Variants in VEPH1 observed in about 807,000 individuals in gnomAD.
VEPH1 encodes the protein ventricular zone expressed PH domain containing 1.
VEPH1 carries 80 observed loss-of-function variants against 85.2 expected under a neutral mutation model. The observed-to-expected ratio is 0.94, with a 90% CI of 0.78 to 1.13. The LOEUF (loss-of-function observed/expected upper bound fraction) is 1.13. Ranked by LOEUF, VEPH1 falls within the 50% of genes most tolerant of loss-of-function variation. The pLI, the probability that VEPH1 is intolerant of heterozygous loss-of-function variation, is 0.00. For missense variants in VEPH1, 955 were observed against 980.5 expected (o/e 0.97, Z 0.35); for synonymous variants, 297 against 348.0 (o/e 0.85, Z 1.63).
Position 157,405,496 on chromosome 3 carries a change from G to A in VEPH1, c.906+8385C>T, listed in dbSNP as rs1444455820. On this transcript the variant is annotated intron_variant, in intron 6 of 13. Transcript: ENST00000362010. ...ACAGGAACTATCTGCTAATCAATAT[G>A]GAATTTTCATAATCTGACCCCAGCC... 3.9e-5 allele frequency among the ~76,000 whole-genome samples: 6 copies of A among 152,164 alleles called. No individual in the cohort carries two copies. The East Asian group carries it at 1.2e-3, about 29-fold the overall frequency.
At chr3:157,439,882 C>G (rs1238313784) in intron 4 of VEPH1, among the ~76,000 whole-genome samples, 2 of 152,192 alleles carry the variant, frequency 1.3e-5, no homozygotes, top group African/African-American at 2.4e-5. Flanking sequence ...TCCTGAGTAG[C>G]TGGGACTACA....
At chr3:157,466,334 A>G (rs1228911702) in intron 3 of VEPH1, among the ~76,000 whole-genome samples, 1 of 152,212 alleles carries the variant, frequency 6.6e-6, no homozygotes, top group East Asian at 1.9e-4. Context: ...GAGCACAGAT[A>G]GAGATCGCTT....
chr3:157,266,227 C>T (rs1376674793), intron 12 of VEPH1, among the ~76,000 whole-genome samples: 5 of 151,226 alleles, frequency 3.3e-5, no homozygotes, highest in South Asian at 2.1e-4. Context: ...GTTCCTAAAG[C>T]GGTAACACCA....
At position 157,485,056 on chromosome 3, in the gene VEPH1, C is replaced by T. The variant is rs1738494031; in HGVS notation, c.138+10156G>A. On this transcript the variant is annotated intron_variant, in intron 2 of 13. Transcript: ENST00000362010. ...ATTCTTTTTTAGGTTCCATATAGTG[C>T]CCAGTTATTATTTTGCAAGAAAATG... is the stretch of plus-strand genomic sequence containing the variant. Among the ~76,000 whole-genome samples the T allele has an allele frequency of 2.0e-5, 3 of 152,208 alleles. No individual in the cohort carries two copies. In the South Asian group the frequency reaches 6.2e-4, roughly 32 times the overall value.
chr3:157,359,893 A>C (rs1477183124), intron 9 of VEPH1, among the ~76,000 whole-genome samples: 1 of 152,220 alleles, frequency 6.6e-6, no homozygotes, highest in Non-Finnish European at 1.5e-5. Flanking sequence ...TTGTAACAGC[A>C]GTCCAAAATT....
At chr3:157,499,311 C>A (rs1266515985) in intron 1 of VEPH1, 1 of 141,202 alleles carries the variant, frequency 7.1e-6, no homozygotes, top group African/African-American at 2.7e-5. Flanking sequence ...TAGGGAGAAA[C>A]AGAAACCACA....
intron 6 of VEPH1, among the ~76,000 whole-genome samples, chr3:157,410,496 G>A (rs553494101): frequency 6.6e-6 from 1 of 152,198 alleles, no homozygotes; most frequent in African/African-American, 2.4e-5. Flanking sequence ...ATACACACAT[G>A]CACATCTTGC....
At chr3:157,362,188 G>A (rs1726125668) in intron 9 of VEPH1, among the ~76,000 whole-genome samples, 2 of 151,926 alleles carry the variant, frequency 1.3e-5, no homozygotes, top group Non-Finnish European at 2.9e-5. Flanking sequence ...CAGCCACCAT[G>A]GCCTGCTAAT....
intron 8 of VEPH1, 62 bp from the exon 9 acceptor site, chr3:157,363,823 AAAT>A (rs942117155): frequency 1.9e-6 from 3 of 1,544,964 alleles, no homozygotes; most frequent in African/African-American, 2.7e-5. Context: ...CAAGGAAAAG[AAAT>A]AATAATAATA....
intron 11 of VEPH1, among the ~76,000 whole-genome samples, chr3:157,296,201 G>A (rs1718110343): frequency 6.6e-6 from 1 of 152,134 alleles, no homozygotes; most frequent in South Asian, 2.1e-4. Flanking sequence ...ATTTACAACA[G>A]TTTCTTTTTG....
chr3:157,484,081 A>G (rs1738394428), intron 2 of VEPH1, among the ~76,000 whole-genome samples: 1 of 152,186 alleles, frequency 6.6e-6, no homozygotes, highest in South Asian at 2.1e-4. Flanking sequence ...GAAAATATTA[A>G]CTAGAGAGAA....
At chr3:157,418,758 C>A (rs1377267610) in intron 5 of VEPH1, among the ~76,000 whole-genome samples, 2 of 152,094 alleles carry the variant, frequency 1.3e-5, no homozygotes, top group Non-Finnish European at 2.9e-5. Context: ...GCCATACTGC[C>A]CAAAACAATT....
intron 5 of VEPH1, 83 bp from the exon 6 acceptor site, chr3:157,414,173 A>AACT: frequency 8.6e-7 from 1 of 1,166,124 alleles, no homozygotes; most frequent in Non-Finnish European, 1.2e-6. Context: ...TTTGAAAGCA[A>AACT]ACTTTTTTTG....
intron 9 of VEPH1, among the ~76,000 whole-genome samples, chr3:157,334,528 G>T (rs577463255): frequency 6.6e-6 from 1 of 152,242 alleles, no homozygotes; most frequent in South Asian, 2.1e-4. Context: ...GATTTCATTT[G>T]TTATCCTGCA....
At chr3:157,487,170 A>G (rs1196931755) in intron 2 of VEPH1, among the ~76,000 whole-genome samples, 2 of 152,092 alleles carry the variant, frequency 1.3e-5, no homozygotes, top group Admixed American at 6.5e-5. Context: ...TAAAGACTTA[A>G]AAAGAAATTA....
At chr3:157,283,826 G>A (rs1303453778) in intron 12 of VEPH1, among the ~76,000 whole-genome samples, 1 of 152,138 alleles carries the variant, frequency 6.6e-6, no homozygotes, top group Non-Finnish European at 1.5e-5. Flanking sequence ...TGTATCATTT[G>A]TCAATTCTTT....
intron 9 of VEPH1, among the ~76,000 whole-genome samples, chr3:157,340,225 A>G (rs1027929222): frequency 6.6e-6 from 1 of 152,220 alleles, no homozygotes; most frequent in Non-Finnish European, 1.5e-5. Context: ...AGGGTGAGTC[A>G]TCACCTCACC....
chr3:157,502,710 C>T (rs1439762580), intron 1 of VEPH1, among the ~76,000 whole-genome samples: 1 of 152,034 alleles, frequency 6.6e-6, no homozygotes, highest in African/African-American at 2.4e-5. Context: ...TGGTTGATTA[C>T]TACAACAATT....
intron 9 of VEPH1, among the ~76,000 whole-genome samples, chr3:157,334,742 T>C (rs950701554): frequency 1.3e-5 from 2 of 152,024 alleles, no homozygotes. Flanking sequence ...CACGGGGGTG[T>C]AGAAAGTAAG....
Sources: gnomAD v4.1 joint callset for allele counts (sites outside exome capture counted in the v4.1 genomes callset) on GRCh38, gnomAD v4.1.1 for gene constraint, MANE v1.5 for transcripts, NCBI Gene and HGNC (gene_info 2026-07-23, HGNC 2026-07-21) for gene names.